SUPT3H: variants seen among roughly 807,000 people sequenced by gnomAD.
The protein encoded by SUPT3H is transcription initiation protein SPT3 homolog.
In SUPT3H, 44 loss-of-function variants were observed where a neutral mutation model predicts 44.3. That is an observed-to-expected ratio of 0.99 (90% CI 0.78 to 1.28). SUPT3H has a LOEUF of 1.28. SUPT3H is among the 50% of genes most tolerant of loss of function. SUPT3H has a pLI of 0.00. For synonymous variants in SUPT3H, 124 were observed against 125.6 expected, an observed-to-expected ratio of 0.99 and a Z score of 0.09; for missense variants, 380 against 387.1, an observed-to-expected ratio of 0.98 and a Z score of 0.15.
rs1771576885 is a variant in SUPT3H at position 44,937,154 on chromosome 6, A to G, written c.802-4391T>C. Among the ~76,000 whole-genome samples, 2 of 152,104 alleles carry G rather than the reference A, an allele frequency of 1.3e-5. 1 individual carries two copies. The highest frequency in any genetic ancestry group is 4.1e-4 in the South Asian group (2 of 4,822). ...CTTTTCCTTTGACTAGATACCCAGT[A>G]ATGAGATTGCTGGATTGAATGATAG... On this transcript the variant is annotated intron_variant, in intron 9 of 10. Coordinates refer to ENST00000371459, the MANE Select transcript of SUPT3H (RefSeq NM_003599.4).
intron 3 of SUPT3H, among the ~76,000 whole-genome samples, chr6:45,079,292 A>G (rs1380312528): frequency 6.6e-6 from 1 of 152,120 alleles, no homozygotes; most frequent in Non-Finnish European, 1.5e-5. Context: ...CCTGGGCGCC[A>G]GAGTGAGACT....
At chr6:45,244,609 C>G (rs990328736) in intron 2 of SUPT3H, among the ~76,000 whole-genome samples, 12 of 152,008 alleles carry the variant, frequency 7.9e-5, no homozygotes, top group Non-Finnish European at 1.5e-4. Context: ...CTAATTTTAC[C>G]CAATTTTCTT....
intron 6 of SUPT3H, among the ~76,000 whole-genome samples, chr6:44,982,022 C>G (rs150201231): frequency 3.3e-5 from 5 of 152,190 alleles, no homozygotes; most frequent in African/African-American, 1.2e-4. Context: ...GCCTGGTCAA[C>G]AGAGTGAGAT....
chr6:44,818,974 A>G (rs958791298), intron 11 of SUPT3H, among the ~76,000 whole-genome samples: 2 of 152,224 alleles, frequency 1.3e-5, no homozygotes, highest in African/African-American at 2.4e-5. Context: ...CTAGGTATTT[A>G]CCCAATACAA....
At chr6:45,328,833 A>G in intron 2 of SUPT3H, 1 of 1,569,002 alleles carries the variant, frequency 6.4e-7, no homozygotes, top group Non-Finnish European at 8.8e-7. Flanking sequence ...CCTGTTAAAC[A>G]TAAAGGTATG....
At chr6:44,940,324 T>A (rs1772194255) in intron 9 of SUPT3H, among the ~76,000 whole-genome samples, 1 of 152,090 alleles carries the variant, frequency 6.6e-6, no homozygotes, top group South Asian at 2.1e-4. Flanking sequence ...CAGAGGATAT[T>A]GTTTAATTTC....
intron 2 of SUPT3H, among the ~76,000 whole-genome samples, chr6:45,284,207 T>G (rs151275720): frequency 0.13 from 20,156 of 151,948 alleles, 1,550 homozygotes; most frequent in East Asian, 0.26. Flanking sequence ...AGCAAACACA[T>G]TCAAAAGCTA....
At position 44,901,921 on chromosome 6, in the gene SUPT3H, C is replaced by G. The variant is rs541595198; in HGVS notation, c.912+30732G>C. Reference sequence around the variant, plus strand: ...ACCCAGAATTTCATATCCAGCCAAACTAAGCTTCAGAAGTGAAGGAGAAAT... The same window carrying G: ...ACCCAGAATTTCATATCCAGCCAAAGTAAGCTTCAGAAGTGAAGGAGAAAT... On this transcript the variant is annotated intron_variant, in intron 10 of 10. Transcript: ENST00000371459. 2.0e-3 allele frequency among the ~76,000 whole-genome samples: 301 copies of G among 152,254 alleles called. 1 individual carries two copies. The highest frequency in any genetic ancestry group is 6.8e-3 in the Middle Eastern group (2 of 294).
intron 2 of SUPT3H, among the ~76,000 whole-genome samples, chr6:45,152,812 T>C (rs1807163271): frequency 6.6e-6 from 1 of 152,084 alleles, no homozygotes; most frequent in African/African-American, 2.4e-5. Flanking sequence ...TCCTTTTAAA[T>C]TTAATCATAT....
At chr6:45,091,471 A>G (rs974950773) in intron 3 of SUPT3H, among the ~76,000 whole-genome samples, 1 of 152,092 alleles carries the variant, frequency 6.6e-6, no homozygotes, top group Non-Finnish European at 1.5e-5. Context: ...ATAAGTACCC[A>G]TTAAAAAAAC....
At chr6:45,145,429 A>T (rs571334458) in intron 2 of SUPT3H, among the ~76,000 whole-genome samples, 36 of 152,112 alleles carry the variant, frequency 2.4e-4, no homozygotes, top group African/African-American at 7.2e-4. Flanking sequence ...AGGACACCCT[A>T]TTCAACAAAT....
At chr6:45,122,040 A>AC (rs890376346) in intron 2 of SUPT3H, among the ~76,000 whole-genome samples, 1 of 151,228 alleles carries the variant, frequency 6.6e-6, no homozygotes, top group African/African-American at 2.4e-5. Context: ...TTTAAAAACA[A>AC]AAAAAAAAGA....
intron 10 of SUPT3H, among the ~76,000 whole-genome samples, chr6:44,923,420 T>C (rs1276156446): frequency 1.3e-5 from 2 of 152,116 alleles, no homozygotes; most frequent in African/African-American, 2.4e-5. Flanking sequence ...GGTTATGTCA[T>C]CCACTGTTTT....
downstream of SUPT3H, among the ~76,000 whole-genome samples, chr6:44,826,096 A>T (rs1561837967): frequency 6.6e-6 from 1 of 152,124 alleles, no homozygotes; most frequent in African/African-American, 2.4e-5. Flanking sequence ...TCCGACTTAC[A>T]ACATTTGAGA....
chr6:45,084,313 C>A (rs2153559844), intron 3 of SUPT3H, among the ~76,000 whole-genome samples: 1 of 152,154 alleles, frequency 6.6e-6, no homozygotes, highest in South Asian at 2.1e-4. Flanking sequence ...CAAATGATCC[C>A]ATTAAAAAGT....
At chr6:44,986,655 T>C (rs1324628628) in intron 6 of SUPT3H, among the ~76,000 whole-genome samples, 1 of 152,082 alleles carries the variant, frequency 6.6e-6, no homozygotes, top group African/African-American at 2.4e-5. Flanking sequence ...TAATTAAAGG[T>C]GGTTATTATG....
At chr6:44,839,705 T>C (rs1369843325) in intron 10 of SUPT3H, among the ~76,000 whole-genome samples, 9 of 151,998 alleles carry the variant, frequency 5.9e-5, no homozygotes, top group Non-Finnish European at 1.2e-4. Flanking sequence ...AGCACCAGTT[T>C]TTTTTTTCTT....
At chr6:45,301,227 T>C (rs544367401) in intron 2 of SUPT3H, among the ~76,000 whole-genome samples, 6 of 152,086 alleles carry the variant, frequency 3.9e-5, no homozygotes, top group Non-Finnish European at 7.4e-5. Context: ...ACTAACAGCA[T>C]CTACTGCAAC....
At chr6:45,106,467 C>G (rs1799292152) in intron 2 of SUPT3H, among the ~76,000 whole-genome samples, 1 of 152,206 alleles carries the variant, frequency 6.6e-6, no homozygotes, top group South Asian at 2.1e-4. Flanking sequence ...AAAGTCTTTC[C>G]CACACAAGTT....
Sources: allele counts gnomAD v4.1 joint callset (sites outside exome capture counted in the v4.1 genomes callset), GRCh38; gene constraint gnomAD v4.1.1; transcripts MANE v1.5; gene names NCBI Gene and HGNC (gene_info 2026-07-23, HGNC 2026-07-21).